The following ZNF862 variants were observed in gnomAD, a reference collection of about 807,000 sequenced individuals.
The protein encoded by ZNF862 is zinc finger protein 862.
Under a neutral mutation model 91.1 loss-of-function variants are expected in ZNF862, and 64 were observed. The ratio of observed to expected loss-of-function variants is 0.70; its 90% CI spans 0.57 to 0.87. The LOEUF is 0.87. Ranked by LOEUF, ZNF862 falls within the 40% of genes least tolerant of loss-of-function variation. The probability of loss-of-function intolerance (pLI) is 0.00; values close to 1 mark genes in which losing one functional copy is unlikely to be tolerated. For missense variants in ZNF862, 1,459 were observed against 1,528.0 expected, an observed-to-expected ratio of 0.95 and a Z score of 0.75; for synonymous variants, 631 against 618.1, an observed-to-expected ratio of 1.02 and a Z score of -0.31.
At chr7:149,846,634 C>A (rs1801882500) in intron 3 of ZNF862, among the ~76,000 whole-genome samples, 1 of 152,164 alleles carries the variant, frequency 6.6e-6, no homozygotes, top group African/African-American at 2.4e-5. Flanking sequence ...CTGCTAAGTT[C>A]TAGGGATTTA....
rs370992705 is a variant in ZNF862 at position 149,844,590 on chromosome 7, A to G, written c.25-35A>G. On this transcript the variant is annotated intron_variant, in intron 1 of 7. Coordinates refer to ENST00000223210, the MANE Select transcript of ZNF862 (RefSeq NM_001099220.3). ...CTTTTGGAAGATAAATCTAAGGAAGAGAGTGGTACTTAGCAGCTGTCATTT... is the reference window on the plus strand; with the variant it reads ...CTTTTGGAAGATAAATCTAAGGAAGGGAGTGGTACTTAGCAGCTGTCATTT... The G allele has an allele frequency of 4.8e-6, 7 of 1,453,340 alleles. No homozygotes were observed. In the African/African-American group the frequency reaches 8.4e-5, roughly 17 times the overall value. The allele number at this position is 1,453,340 out of a possible 1,614,324, so 90.0% of individuals were successfully genotyped here. A position where few individuals can be genotyped will look rare whatever the true frequency, so the allele number is the denominator to read the frequency against.
intron 5 of ZNF862, among the ~76,000 whole-genome samples, chr7:149,857,923 A>C (rs1377241767): frequency 3.3e-5 from 5 of 151,884 alleles, no homozygotes; most frequent in Admixed American, 3.3e-4. Context: ...GTACCGCACC[A>C]CCCCTTCACC....
Position 149,838,617 on chromosome 7 carries a change from G to A in ZNF862, c.6G>A (p.Glu2=), listed in dbSNP as rs1195516513. Residue 2 remains glutamate, a synonymous_variant, in exon 1 of 8, where the codon GAG becomes GAA. Coordinates refer to ENST00000223210, the MANE Select transcript of ZNF862 (RefSeq NM_001099220.3). M[E]PRESGKAPVT... is the part of the protein sequence containing the mutation. ...GGGCCTCCGAAAGCGGGGCCATGGA[G>A]CCCAGAGAGTCGGGGAAGGTAGGAC... 3.3e-6 allele frequency: 4 copies of A among 1,227,904 alleles called. No individual in the cohort carries two copies. Among genetic ancestry groups the A allele is most frequent in the African/African-American group, 1.6e-5 (1 of 64,272 alleles). The allele number at this position is 1,227,904 out of a possible 1,614,324, so 76.1% of individuals were successfully genotyped here.
At position 149,841,805 on chromosome 7, in the gene ZNF862, A is replaced by G. The variant is rs549730752; in HGVS notation, c.25-2820A>G. On this transcript the variant is annotated intron_variant, in intron 1 of 7. Coordinates refer to ENST00000223210, the MANE Select transcript of ZNF862 (RefSeq NM_001099220.3). ...ACTCCTTTCTCATTTTTTTCTGAACATGGTTCTATTATTGCACTTATATCT... is the reference window on the plus strand; with the variant it reads ...ACTCCTTTCTCATTTTTTTCTGAACGTGGTTCTATTATTGCACTTATATCT... 1.2e-4 allele frequency: 121 copies of G among 968,930 alleles called. No individual in the cohort carries two copies. The African/African-American group carries it at 2.0e-3, about 16-fold the overall frequency. 60.0% of individuals were successfully genotyped at this position (968,930 alleles called of 1,614,324 possible).
chr7:149,853,200 G>C (rs986232755), intron 5 of ZNF862, among the ~76,000 whole-genome samples: 3 of 152,206 alleles, frequency 2.0e-5, no homozygotes, highest in Admixed American at 1.3e-4. Flanking sequence ...TGGGATTACA[G>C]GCACACGCAC....
At chr7:149,860,024 G>A in intron 6 of ZNF862, 1 of 311,442 alleles carries the variant, frequency 3.2e-6, no homozygotes, top group Admixed American at 4.6e-5. Flanking sequence ...CTATTGTGGA[G>A]CCTCACACGA....
At chr7:149,839,566 G>T (rs1801630296) in intron 1 of ZNF862, among the ~76,000 whole-genome samples, 1 of 152,154 alleles carries the variant, frequency 6.6e-6, no homozygotes, top group Non-Finnish European at 1.5e-5. Flanking sequence ...CAATAACTTG[G>T]ACACGCCTGA....
intron 6 of ZNF862, chr7:149,859,932 C>G (rs2128941233): frequency 4.1e-6 from 1 of 245,344 alleles, no homozygotes; most frequent in South Asian, 8.3e-5. Context: ...TCAGTAATTT[C>G]TTGGCTTGTA....
rs772423642 is a variant in ZNF862, at chr7:149,861,472, C to T, written c.2312C>T (p.Ala771Val). ...NKRLNELQEG[A>V]APLEQEIIRL... is the part of the protein sequence containing the mutation. ...AGGCTGAACGAGCTGCAGGAAGGTGCGGCGCCTCTGGAGCAGGAGATCATC... is the reference window on the plus strand; with the variant it reads ...AGGCTGAACGAGCTGCAGGAAGGTGTGGCGCCTCTGGAGCAGGAGATCATC... Residue 771 changes from alanine (A) to valine (V), a missense_variant, in exon 7 of 8, where the codon GCG becomes GTG. By Grantham distance (64) the Ala-to-Val change is moderately conservative. Coordinates refer to ENST00000223210, the MANE Select transcript of ZNF862 (RefSeq NM_001099220.3). This position sits in a 1 kb window ranked among gnomAD's most constrained non-coding sequence, Gnocchi z 6.7. The T allele has an allele frequency of 3.0e-5, 48 of 1,612,944 alleles. No homozygotes were observed. The South Asian group carries it at 4.4e-4, about 15-fold the overall frequency.
chr7:149,839,305 A>G (rs1017157962), intron 1 of ZNF862, among the ~76,000 whole-genome samples: 1 of 152,204 alleles, frequency 6.6e-6, no homozygotes, highest in Non-Finnish European at 1.5e-5. Flanking sequence ...TAGCTTGGAG[A>G]CAGTGGCAGC....
Position 149,850,319 on chromosome 7 carries a change from C to A in ZNF862, c.1098C>A (p.Tyr366Ter). Residue 366 changes from tyrosine (Y) to a stop codon, truncating the protein, a stop_gained, in exon 5 of 8, where the codon TAC becomes TAA. Transcript: ENST00000223210. LOFTEE classifies it high-confidence loss of function. This position sits in a 1 kb window ranked among gnomAD's most constrained non-coding sequence, Gnocchi z 4.2. Reference sequence around the variant, plus strand: ...ACAGAGACGTGATGCGGATGAACTACGAGCTGTTGGCATCCTTGGGTAAAG... The same window carrying A: ...ACAGAGACGTGATGCGGATGAACTAAGAGCTGTTGGCATCCTTGGGTAAAG... ...ELYRDVMRMN[Y>*]ELLASLGPAA... 1 of 1,612,316 alleles carries A rather than the reference C, an allele frequency of 6.2e-7. No individual in the cohort carries two copies. Among genetic ancestry groups the A allele is most frequent in the Non-Finnish European group, 8.5e-7 (1 of 1,179,076 alleles).
intron 5 of ZNF862, among the ~76,000 whole-genome samples, chr7:149,851,399 T>C (rs1802064118): frequency 6.6e-6 from 1 of 152,232 alleles, no homozygotes. Flanking sequence ...CTAAAATTAT[T>C]TATTTTGTGG....
At chr7:149,849,928 T>C (rs952257035) in intron 4 of ZNF862, among the ~76,000 whole-genome samples, 3 of 152,232 alleles carry the variant, frequency 2.0e-5, no homozygotes, top group Non-Finnish European at 4.4e-5. Context: ...CACGCTTTCA[T>C]TTCCGCCCAG....
chr7:149,866,197 G>T lies in ZNF862; in HGVS notation c.*1913G>T, dbSNP rs1802715466. 2 of 152,204 alleles carry T rather than the reference G, an allele frequency of 1.3e-5. No homozygotes were observed. Among genetic ancestry groups the T allele is most frequent in the Admixed American group, 1.3e-4 (2 of 15,282 alleles). 9.4% of individuals were successfully genotyped at this position (152,204 alleles called of 1,614,324 possible). ...ACCTGTGGAAATGTCTCCCAGCCCT[G>T]TGGGTCTGGCGGTCAGAGGGACCCC... On this transcript the variant is annotated 3_prime_UTR_variant, in exon 8 of 8. Transcript: ENST00000223210.
Position 149,860,673 on chromosome 7 carries a change from A to G in ZNF862, c.1513A>G (p.Arg505Gly), listed in dbSNP as rs778005676. Residue 505 changes from arginine (R) to glycine (G), a missense_variant, in exon 7 of 8, where the codon AGA becomes GGA. By Grantham distance (125) the Arg-to-Gly change is moderately radical. Coordinates refer to ENST00000223210, the MANE Select transcript of ZNF862 (RefSeq NM_001099220.3). ...NLHDKSSRLV[R>G]GYTGPFKVET... ...CCATGATAAATCATCTCGGTTAGTC[A>G]GAGGTTACACGGGGCCTTTTAAAGT... 6.2e-7 allele frequency: 1 copy of G among 1,614,064 alleles called. No homozygotes were observed. Among genetic ancestry groups the G allele is most frequent in the South Asian group, 1.1e-5 (1 of 91,092 alleles).
At chr7:149,845,684 A>G (rs1280839772) in intron 2 of ZNF862, among the ~76,000 whole-genome samples, 1 of 152,186 alleles carries the variant, frequency 6.6e-6, no homozygotes, top group Non-Finnish European at 1.5e-5. Context: ...AGGAGTTTTC[A>G]CATAAGAATA....
rs1319862134 is a variant in ZNF862 at position 149,855,762 on chromosome 7, T to A, written c.1118-3660T>A. On this transcript the variant is annotated intron_variant, in intron 5 of 7. Coordinates refer to ENST00000223210, the MANE Select transcript of ZNF862 (RefSeq NM_001099220.3). The surrounding 1 kb of genome is among the most constrained non-coding windows in gnomAD (Gnocchi z 4.1). ...CAGGCCCCACAGACAACGCCAGGCC[T>A]CTTCTCATTCCCCATGTGGCCCACA... Among the ~76,000 whole-genome samples the A allele has an allele frequency of 2.0e-5, 3 of 152,160 alleles. No individual in the cohort carries two copies. Among genetic ancestry groups the A allele is most frequent in the African/African-American group, 7.2e-5 (3 of 41,436 alleles).
rs1802471869 is a variant in ZNF862, at chr7:149,861,140, C to T, written c.1980C>T (p.Ala660=). Residue 660 remains alanine (A), a synonymous_variant, in exon 7 of 8, where the codon GCC becomes GCT. Transcript: ENST00000223210. This position sits in a 1 kb window ranked among gnomAD's most constrained non-coding sequence, Gnocchi z 6.7. The part of the protein sequence containing the change: ...MEVKESYITL[A]PLYSETADGY... ...TGAAAGAGTCCTACATCACTCTGGC[C>T]CCTCTCTACAGTGAGACAGCAGATG... The T allele has an allele frequency of 2.5e-6, 4 of 1,612,928 alleles. No individual in the cohort carries two copies. The highest frequency in any genetic ancestry group is 1.1e-5 in the South Asian group (1 of 91,038).
intron 1 of ZNF862, chr7:149,841,334 C>G (rs1244881870): frequency 1.0e-6 from 1 of 985,248 alleles, no homozygotes; most frequent in Non-Finnish European, 1.2e-6. Context: ...ATTGATATCC[C>G]ACATTGAATG....
Sources: gnomAD v4.1 joint callset for allele counts (sites outside exome capture counted in the v4.1 genomes callset) on GRCh38, gnomAD v4.1.1 for gene constraint, Gnocchi (gnomAD v3.1) non-coding constraint, MANE v1.5 for transcripts, NCBI Gene and HGNC (gene_info 2026-07-23, HGNC 2026-07-21) for gene names.